The following WFDC1 variants were observed in gnomAD, a reference collection of about 807,000 sequenced individuals.
The protein encoded by WFDC1 is WAP four-disulfide core domain protein 1.
In WFDC1, 39 loss-of-function variants were observed where a neutral mutation model predicts 32.9. The ratio of observed to expected loss-of-function variants is 1.19; its 90% confidence interval spans 0.92 to 1.55. WFDC1 has a LOEUF of 1.55. Among genes scored for constraint, WFDC1 ranks in the 40% most tolerant of loss-of-function variants. The pLI, the probability that WFDC1 is intolerant of heterozygous loss-of-function variation, is 0.00. For missense variants in WFDC1, 386 were observed against 309.5 expected (o/e 1.25, Z -1.85); for synonymous variants, 184 against 137.4 (o/e 1.34, Z -2.37).
At position 84,319,517 on chromosome 16, in the gene WFDC1, G is replaced by A. The variant is rs143106490; in HGVS notation, c.508G>A (p.Val170Met). ...GTGCCACATCCTGAGCCCAGGTGAC[G>A]TGGCCGAAGGTATCCCCAACCGTGG... is the stretch of plus-strand genomic sequence containing the variant. ...YECHILSPGDVAEGIPNRGQC... is the reference protein window; with the variant it reads ...YECHILSPGDMAEGIPNRGQC... Residue 170 changes from valine (V) to methionine (M), a missense_variant, in exon 4 of 7, where the codon GTG becomes ATG. Transcript: ENST00000219454. 136 of 1,612,964 alleles carry A rather than the reference G, an allele frequency of 8.4e-5. No individual in the cohort carries two copies. In the African/African-American group the frequency reaches 1.3e-3, roughly 16 times the overall value.
intron 1 of WFDC1, among the ~76,000 whole-genome samples, chr16:84,304,017 A>G (rs1453575650): frequency 6.6e-6 from 1 of 152,196 alleles, no homozygotes; most frequent in African/African-American, 2.4e-5. Flanking sequence ...GTGGATCGAC[A>G]TCTTCCTTTC....
At position 84,315,006 on chromosome 16, in the gene WFDC1, G is replaced by C. The variant is rs79054748; in HGVS notation, c.337+1853G>C. On this transcript the variant is annotated intron_variant, in intron 2 of 6. Transcript: ENST00000219454. ...AGCCCTGTGTCACAACTGAAGCTCAGAGAAGCTGAATCATTTGCCCAAGGT... is the reference window on the plus strand; with the variant it reads ...AGCCCTGTGTCACAACTGAAGCTCACAGAAGCTGAATCATTTGCCCAAGGT... Among the ~76,000 whole-genome samples the C allele has an allele frequency of 1.6e-4, 24 of 152,324 alleles. No individual in the cohort carries two copies. In the East Asian group the frequency reaches 4.2e-3, roughly 27 times the overall value.
Position 84,324,452 on chromosome 16 carries a change from A to C in WFDC1, c.596A>C (p.Glu199Ala). 6.2e-7 allele frequency: 1 copy of C among 1,613,876 alleles called. No homozygotes were observed. Residue 199 changes from glutamate (E) to alanine (A), a missense_variant, in exon 5 of 7, where the codon GAA becomes GCA. Glu to Ala is a moderately radical substitution (Grantham distance 107). Transcript: ENST00000219454. ...GRILRHKLYK[E>A]YPEGDSKNVA... Reference sequence around the variant, plus strand: ...ATCCTACGACACAAACTTTACAAAGAATATCCAGGTAAAAGAAGAAACTGT... The same window carrying C: ...ATCCTACGACACAAACTTTACAAAGCATATCCAGGTAAAAGAAGAAACTGT...
chr16:84,318,131 T>C (rs969078862), intron 2 of WFDC1, 141 bp from the exon 3 acceptor site: 19 of 738,280 alleles, frequency 2.6e-5, no homozygotes, highest in Non-Finnish European at 4.4e-5. Flanking sequence ...AAGCAAAGGG[T>C]GAAGGTGTGC....
intron 1 of WFDC1, among the ~76,000 whole-genome samples, chr16:84,303,051 G>A (rs1174187509): frequency 6.7e-6 from 1 of 148,766 alleles, no homozygotes; most frequent in African/African-American, 2.5e-5. Context: ...CTCCCTCTGA[G>A]GAAGTCCCAT....
At chr16:84,308,940 C>A (rs1371817179) in intron 1 of WFDC1, among the ~76,000 whole-genome samples, 1 of 152,130 alleles carries the variant, frequency 6.6e-6, no homozygotes, top group Admixed American at 6.5e-5. Context: ...TGGGTGTAGA[C>A]ACCATCCTGG....
At chr16:84,301,999 A>G (rs1906966240) in intron 1 of WFDC1, among the ~76,000 whole-genome samples, 1 of 152,198 alleles carries the variant, frequency 6.6e-6, no homozygotes, top group African/African-American at 2.4e-5. Context: ...CCATGGGGTG[A>G]GCACATCGCA....
chr16:84,303,521 G>C (rs1298051802), intron 1 of WFDC1, among the ~76,000 whole-genome samples: 1 of 151,478 alleles, frequency 6.6e-6, no homozygotes, highest in African/African-American at 2.4e-5. Flanking sequence ...TTATAAATTA[G>C]TAGAAATGAT....
intron 1 of WFDC1, among the ~76,000 whole-genome samples, chr16:84,311,526 A>AC (rs989417836): frequency 1.3e-5 from 1 of 76,552 alleles, no homozygotes; most frequent in African/African-American, 6.5e-5. Context: ...CTGCGCCTGG[A>AC]CTTTTTTTTT....
intron 2 of WFDC1, 185 bp from the exon 3 acceptor site, chr16:84,318,087 G>C (rs1161245858): frequency 1.7e-6 from 1 of 583,660 alleles, no homozygotes; most frequent in Non-Finnish European, 3.1e-6. Flanking sequence ...TTGTGGCCCA[G>C]TGCCCAGCCC....
At chr16:84,317,372 A>G (rs936277959) in intron 2 of WFDC1, 14 of 152,244 alleles carry the variant, frequency 9.2e-5, no homozygotes, top group African/African-American at 3.4e-4. Context: ...AAGAACTTAC[A>G]GTAAGAAAAA....
intron 1 of WFDC1, among the ~76,000 whole-genome samples, chr16:84,305,900 G>A (rs1340635070): frequency 1.3e-5 from 2 of 152,152 alleles, no homozygotes; most frequent in Middle Eastern, 3.4e-3. Context: ...CTACTTGGGA[G>A]GCTGAAGCAT....
intron 1 of WFDC1, among the ~76,000 whole-genome samples, chr16:84,302,087 C>T (rs900508851): frequency 2.0e-5 from 3 of 152,208 alleles, no homozygotes; most frequent in African/African-American, 4.8e-5. Flanking sequence ...AGATGAACCT[C>T]GAAGACATGA....
chr16:84,322,712 T>C (rs948280444), intron 4 of WFDC1, among the ~76,000 whole-genome samples: 1 of 152,162 alleles, frequency 6.6e-6, no homozygotes, highest in Admixed American at 6.5e-5. Context: ...GAACCAGGCA[T>C]TTGAGGGGTT....
intron 2 of WFDC1, 76 bp from the exon 3 acceptor site, chr16:84,318,196 G>A (rs112875571): frequency 6.4e-6 from 9 of 1,415,644 alleles, no homozygotes; most frequent in African/African-American, 4.2e-5. Context: ...ATGAAGTTGG[G>A]GTGCCCCCAG....
chr16:84,309,990 C>G (rs1261317254), intron 1 of WFDC1, among the ~76,000 whole-genome samples: 1 of 152,082 alleles, frequency 6.6e-6, no homozygotes, highest in Non-Finnish European at 1.5e-5. Context: ...AACCTAATTG[C>G]GTCTGCAAAG....
Position 84,321,957 on chromosome 16 carries a change from A to T in WFDC1, c.562+2386A>T, listed in dbSNP as rs1233181946. On this transcript the variant is annotated intron_variant, in intron 4 of 6. Coordinates refer to ENST00000219454, the MANE Select transcript of WFDC1 (RefSeq NM_021197.4). ...ATAGTGACTACTTCATGGGGTAGTT[A>T]TGGGGCTTGAGTGAGAGAAACACGT... Among the ~76,000 whole-genome samples, 4 of 152,310 alleles carry T rather than the reference A, an allele frequency of 2.6e-5. No homozygotes were observed. The East Asian group carries it at 7.7e-4, about 29-fold the overall frequency.
At chr16:84,324,233 G>C (rs1908459476) in intron 4 of WFDC1, among the ~76,000 whole-genome samples, 186 bp from the exon 5 acceptor site, 1 of 152,180 alleles carries the variant, frequency 6.6e-6, no homozygotes, top group Admixed American at 6.5e-5. Context: ...GATGGCTCTG[G>C]ATATTATCAT....
intron 1 of WFDC1, among the ~76,000 whole-genome samples, chr16:84,305,776 C>A (rs1258128958): frequency 6.6e-6 from 1 of 151,598 alleles, no homozygotes; most frequent in African/African-American, 2.4e-5. Context: ...CTGAAGCAGG[C>A]AGATCACCTG....
Sources: allele counts gnomAD v4.1 joint callset (sites outside exome capture counted in the v4.1 genomes callset), GRCh38; gene constraint gnomAD v4.1.1; transcripts MANE v1.5; gene names NCBI Gene and HGNC (gene_info 2026-07-23, HGNC 2026-07-21).